Variants in RAB10 observed in about 807,000 individuals in gnomAD.
RAB10 encodes ras-related protein Rab-10.
In RAB10, 5 loss-of-function variants were observed where a neutral mutation model predicts 25.7. That is an observed-to-expected ratio of 0.19 (90% CI 0.10 to 0.41). The LOEUF is 0.41. Ranked by LOEUF, RAB10 falls within the 10% of genes least tolerant of loss-of-function variation. The pLI, the probability that RAB10 is intolerant of heterozygous loss-of-function variation, is 1.00. For synonymous variants in RAB10, 89 were observed against 86.4 expected (o/e 1.03, Z -0.16); for missense variants, 103 against 245.8 (o/e 0.42, Z 3.89).
chr2:26,060,764 A>C (rs753683870), intron 1 of RAB10, among the ~76,000 whole-genome samples: 29 of 152,226 alleles, frequency 1.9e-4, no homozygotes, highest in Non-Finnish European at 3.8e-4. Context: ...TCTTTCTATC[A>C]CATTATGCCA....
intron 1 of RAB10, among the ~76,000 whole-genome samples, chr2:26,058,648 C>G (rs933006962): frequency 2.0e-5 from 3 of 152,158 alleles, no homozygotes; most frequent in African/African-American, 7.2e-5. Context: ...CATCTTTGCT[C>G]TCTTTTGAAC....
chr2:26,036,504 C>G (rs1232565181), intron 1 of RAB10, among the ~76,000 whole-genome samples: 2 of 151,904 alleles, frequency 1.3e-5, no homozygotes, highest in African/African-American at 2.4e-5. Context: ...ACTAAAAATA[C>G]AAAAATTAGC....
chr2:26,051,408 T>C (rs529541961), intron 1 of RAB10, among the ~76,000 whole-genome samples: 15 of 120,176 alleles, frequency 1.2e-4, no homozygotes, highest in Non-Finnish European at 2.4e-4. Flanking sequence ...TTGGAAGCCT[T>C]CCTCAAATGA....
intron 3 of RAB10, among the ~76,000 whole-genome samples, chr2:26,122,282 T>A (rs1667820011): frequency 6.6e-6 from 1 of 152,222 alleles, no homozygotes; most frequent in Admixed American, 6.5e-5. Context: ...AATACCTTTT[T>A]ATCTCATGTT....
chr2:26,033,994 G>C (rs1345137417), upstream of RAB10: 2 of 398,064 alleles, frequency 5.0e-6, no homozygotes, highest in Non-Finnish European at 8.9e-6. Context: ...TCGCCACTTC[G>C]GCGCGCCCCC....
intron 1 of RAB10, among the ~76,000 whole-genome samples, chr2:26,094,514 C>T (rs751643221): frequency 1.3e-5 from 2 of 151,840 alleles, no homozygotes; most frequent in African/African-American, 2.4e-5. Flanking sequence ...AGCCTCTGAA[C>T]GTGCTGGGAT....
intron 1 of RAB10, among the ~76,000 whole-genome samples, chr2:26,083,339 CAG>C (rs1029010884): frequency 1.3e-5 from 2 of 152,134 alleles, no homozygotes; most frequent in African/African-American, 4.8e-5. Context: ...GATACAAGGT[CAG>C]TGTACCAAAA....
At position 26,135,883 on chromosome 2, in the gene RAB10, A is replaced by G. The variant is rs532599621; in HGVS notation, c.*862A>G. On this transcript the variant is annotated 3_prime_UTR_variant, in exon 6 of 6. Coordinates refer to ENST00000264710, the MANE Select transcript of RAB10 (RefSeq NM_016131.5). ...AACTAGTAGGTTTGTCAAGTTTAAT[A>G]TAAAGCACTGATGTAACTTGCTAGG... 1.3e-5 allele frequency: 2 copies of G among 152,746 alleles called. No individual in the cohort carries two copies. Among genetic ancestry groups the G allele is most frequent in the South Asian group, 4.1e-4 (2 of 4,830 alleles). The allele number at this position is 152,746 out of a possible 1,614,324, so 9.5% of individuals were successfully genotyped here.
intron 1 of RAB10, among the ~76,000 whole-genome samples, chr2:26,057,860 G>C (rs1323221826): frequency 6.6e-6 from 1 of 152,106 alleles, no homozygotes; most frequent in Non-Finnish European, 1.5e-5. Flanking sequence ...CTGACCTCAA[G>C]GGATCCACCT....
chr2:26,057,620 T>TTTCATTCATTCATTCATTCATTCA (rs5741517), intron 1 of RAB10, among the ~76,000 whole-genome samples: 31,826 of 148,988 alleles, frequency 0.21, 3,700 homozygotes, highest in African/African-American at 0.27. Context: ...GGCAAGTTTC[T>TTTCATTCATTCATTCATTCATTCA]TTCATTCATT....
At chr2:26,093,576 G>C (rs1667151655) in intron 1 of RAB10, among the ~76,000 whole-genome samples, 1 of 152,034 alleles carries the variant, frequency 6.6e-6, no homozygotes, top group Non-Finnish European at 1.5e-5. Flanking sequence ...TACCTCTTTT[G>C]TGTTTGTTCC....
chr2:26,124,926 A>T (rs932385183), intron 3 of RAB10, among the ~76,000 whole-genome samples: 2 of 152,142 alleles, frequency 1.3e-5, no homozygotes, highest in East Asian at 3.9e-4. Flanking sequence ...ACATTGTAGC[A>T]TGTGTCAGAA....
At chr2:26,046,420 A>G (rs544737098) in intron 1 of RAB10, among the ~76,000 whole-genome samples, 1 of 152,322 alleles carries the variant, frequency 6.6e-6, no homozygotes, top group African/African-American at 2.4e-5. Context: ...GAAATGAGAA[A>G]AACGTTTTTA....
chr2:26,092,331 TTAA>T (rs1395112444), intron 1 of RAB10, among the ~76,000 whole-genome samples: 5 of 135,858 alleles, frequency 3.7e-5, no homozygotes, highest in Non-Finnish European at 3.1e-5. Flanking sequence ...GTTGGGGTGG[TTAA>T]TAATAACAAC....
chr2:26,065,733 T>A (rs1666498998), intron 1 of RAB10, among the ~76,000 whole-genome samples: 1 of 152,240 alleles, frequency 6.6e-6, no homozygotes, highest in Admixed American at 6.5e-5. Context: ...CATTTATATG[T>A]ATTTAATATG....
chr2:26,103,894 G>A (rs1264381398), intron 2 of RAB10, among the ~76,000 whole-genome samples: 1 of 151,928 alleles, frequency 6.6e-6, no homozygotes, highest in Non-Finnish European at 1.5e-5. Flanking sequence ...GTCTGTCTGT[G>A]TTGTACATGA....
rs1001602474 is a variant in RAB10, at chr2:26,110,404, A to G, written c.327+498A>G. Among the ~76,000 whole-genome samples the G allele has an allele frequency of 3.3e-5, 5 of 151,784 alleles. No homozygotes were observed. The East Asian group carries it at 5.8e-4, about 18-fold the overall frequency. ...TTTTTCTTAAGTTTTTGGACAGTCT[A>G]TCTAGAGCCCCATTCAAGACAATTA... On this transcript the variant is annotated intron_variant, in intron 3 of 5. Transcript: ENST00000264710.
chr2:26,128,683 CAAAT>C (rs1667951755), intron 5 of RAB10, among the ~76,000 whole-genome samples: 1 of 152,080 alleles, frequency 6.6e-6, no homozygotes, highest in Non-Finnish European at 1.5e-5. Flanking sequence ...ACTTCTCAGG[CAAAT>C]AAAGGGCGTG....
At chr2:26,102,992 C>T (rs751165815) in intron 2 of RAB10, among the ~76,000 whole-genome samples, 3 of 152,196 alleles carry the variant, frequency 2.0e-5, no homozygotes, top group African/African-American at 4.8e-5. Flanking sequence ...TTGAGTCTCA[C>T]GTTGACATTA....
Sources: allele counts gnomAD v4.1 joint callset (sites outside exome capture counted in the v4.1 genomes callset), GRCh38; gene constraint gnomAD v4.1.1; transcripts MANE v1.5; gene names NCBI Gene and HGNC (gene_info 2026-07-23, HGNC 2026-07-21).